The following GALNT9 variants were observed in gnomAD, a reference collection of about 807,000 sequenced individuals.
The protein encoded by GALNT9 is polypeptide N-acetylgalactosaminyltransferase 9, also known as GalNAc transferase 9.
In GALNT9, 47 loss-of-function variants were observed where a neutral mutation model predicts 63.1. The observed-to-expected ratio is 0.75, with a 90% CI of 0.59 to 0.95. The LOEUF is 0.95. Among genes scored for constraint, GALNT9 ranks in the 40% least tolerant of loss-of-function variants. The pLI, the probability that GALNT9 is intolerant of heterozygous loss-of-function variation, is 0.00. For missense variants in GALNT9, 829 were observed against 874.8 expected (o/e 0.95, Z 0.66); for synonymous variants, 396 against 365.7 (o/e 1.08, Z -0.94).
Position 132,236,954 on chromosome 12 carries a change from A to G in GALNT9, c.1077+10956T>C, listed in dbSNP as rs2136895084. Among the ~76,000 whole-genome samples the G allele has an allele frequency of 1.3e-5, 2 of 152,210 alleles. No individual in the cohort carries two copies. Among genetic ancestry groups the G allele is most frequent in the East Asian group, 3.9e-4 (2 of 5,180 alleles). ...TCCCGCAGGCCCCACAGCTGTTCTT[A>G]TCCTCATCCAATCTGGTAACCCTCG... On this transcript the variant is annotated intron_variant, in intron 6 of 10. Coordinates refer to ENST00000328957, the MANE Select transcript of GALNT9 (RefSeq NM_001122636.2). This position sits in a 1 kb window ranked among gnomAD's most constrained non-coding sequence, Gnocchi z 5.6.
chr12:132,230,458 G>A (rs1340462787), intron 6 of GALNT9, among the ~76,000 whole-genome samples: 1 of 152,246 alleles, frequency 6.6e-6, no homozygotes, highest in African/African-American at 2.4e-5. Context: ...CTGCCAGATC[G>A]ACGGGCATAG....
chr12:132,238,303 G>A lies in GALNT9; in HGVS notation c.1077+9607C>T, dbSNP rs1486471749. On this transcript the variant is annotated intron_variant, in intron 6 of 10. Coordinates refer to ENST00000328957, the MANE Select transcript of GALNT9 (RefSeq NM_001122636.2). This position sits in a 1 kb window ranked among gnomAD's most constrained non-coding sequence, Gnocchi z 6.5. ...GGAGACCGAGGACTCCCCTTTGCAG[G>A]TAGCTCTGGGGTCACTGGCGAGGGG... is the stretch of plus-strand genomic sequence containing the variant. 6.6e-6 allele frequency among the ~76,000 whole-genome samples: 1 copy of A among 152,048 alleles called. No homozygotes were observed. The highest frequency in any genetic ancestry group is 1.5e-5 in the Non-Finnish European group (1 of 67,990).
At position 132,238,784 on chromosome 12, in the gene GALNT9, G is replaced by A. The variant is rs1380415299; in HGVS notation, c.1077+9126C>T. Reference sequence around the variant, plus strand: ...CCTCATCTGCAGGCCACCCGCCCAGGGACGTGCTACCATTTACCTAACACA... The same window carrying A: ...CCTCATCTGCAGGCCACCCGCCCAGAGACGTGCTACCATTTACCTAACACA... On this transcript the variant is annotated intron_variant, in intron 6 of 10. Transcript: ENST00000328957. The surrounding 1 kb of genome is among the most constrained non-coding windows in gnomAD (Gnocchi z 6.5). Among the ~76,000 whole-genome samples, 11 of 152,304 alleles carry A rather than the reference G, an allele frequency of 7.2e-5. No homozygotes were observed. Among genetic ancestry groups the A allele is most frequent in the African/African-American group, 2.4e-4 (10 of 41,568 alleles).
intron 7 of GALNT9, among the ~76,000 whole-genome samples, chr12:132,203,230 C>G (rs2135504453): frequency 6.6e-6 from 1 of 152,278 alleles, no homozygotes; most frequent in Non-Finnish European, 1.5e-5. Context: ...GGCTTCTAAC[C>G]ACGGGGCAAT....
chr12:132,326,263 G>A (rs1309115946), intron 1 of GALNT9, among the ~76,000 whole-genome samples: 6 of 152,232 alleles, frequency 3.9e-5, no homozygotes, highest in Non-Finnish European at 8.8e-5. Flanking sequence ...CAAAACCATG[G>A]ATGCTGTCTT....
rs1180069796 is a variant in GALNT9, at chr12:132,279,906, G to A, written c.419+6344C>T. 1 of 151,962 alleles carries A rather than the reference G, an allele frequency of 6.6e-6. No homozygotes were observed. The highest frequency in any genetic ancestry group is 1.5e-5 in the Non-Finnish European group (1 of 68,056). The allele number at this position is 151,962 out of a possible 1,614,324, so 9.4% of individuals were successfully genotyped here. On this transcript the variant is annotated intron_variant, in intron 2 of 10. Transcript: ENST00000328957. This position sits in a 1 kb window ranked among gnomAD's most constrained non-coding sequence, Gnocchi z 4.1. ...CCTGGATTCACTGTGGTCCCTGCCT[G>A]GATGCCCAGTGTCCTCCAGGTCTCC...
intron 1 of GALNT9, among the ~76,000 whole-genome samples, chr12:132,287,405 TC>T (rs1462233343): frequency 3.9e-5 from 6 of 152,036 alleles, no homozygotes; most frequent in Admixed American, 6.5e-5. Context: ...GCCGCCACCA[TC>T]CCCACCAGCC....
intron 6 of GALNT9, among the ~76,000 whole-genome samples, chr12:132,222,495 G>A (rs1482860901): frequency 6.6e-6 from 1 of 152,034 alleles, no homozygotes; most frequent in Non-Finnish European, 1.5e-5. Context: ...AGACCAACAG[G>A]GAAAGCGCTT....
intron 2 of GALNT9, among the ~76,000 whole-genome samples, chr12:132,268,105 T>TCA (rs142014468): frequency 0.12 from 18,120 of 146,004 alleles, 3,010 homozygotes; most frequent in African/African-American, 0.39. Flanking sequence ...ACACGCGCAC[T>TCA]CACACACACA....
chr12:132,284,266 TGCACAC>T (rs1555241957), intron 2 of GALNT9: 3 of 147,904 alleles, frequency 2.0e-5, no homozygotes, highest in African/African-American at 2.5e-5. Flanking sequence ...CACATGCAGG[TGCACAC>T]GCACACACCC....
intron 6 of GALNT9, among the ~76,000 whole-genome samples, chr12:132,217,868 A>C (rs1877282124): frequency 2.1e-5 from 3 of 143,550 alleles, no homozygotes; most frequent in African/African-American, 2.6e-5. Context: ...CTACCTACTC[A>C]CTCACCCACC....
At chr12:132,229,684 G>A (rs2135525527) in intron 6 of GALNT9, among the ~76,000 whole-genome samples, 1 of 152,374 alleles carries the variant, frequency 6.6e-6, no homozygotes, top group Admixed American at 6.5e-5. Context: ...GGCAAGCTTA[G>A]CTGGGAAGCC....
chr12:132,203,256 G>A (rs1462266326), intron 7 of GALNT9, among the ~76,000 whole-genome samples: 1 of 152,186 alleles, frequency 6.6e-6, no homozygotes. Flanking sequence ...TAGGCTGAGA[G>A]GAAAAACGCC....
In GALNT9 at chr12:132,203,557, C is replaced by T. The variant is rs989569578; in HGVS notation, c.1211G>A (p.Trp404Ter). 8 of 1,613,906 alleles carry T rather than the reference C, an allele frequency of 5.0e-6. No homozygotes were observed. The African/African-American group carries it at 1.1e-4, about 22-fold the overall frequency. ...KRNALRAAEV[W>*]MDDFKSHVYM... is the part of the protein sequence containing the mutation. ...CACGTGGGACTTGAAGTCATCCATC[C>T]ACACCTCGGCGGCGCGCAGGGCGTT... The change falls in exon 7 of 11, where the codon TGG becomes TAG. Residue 404 changes from tryptophan to a stop codon, truncating the protein, a stop_gained. Coordinates refer to ENST00000328957, the MANE Select transcript of GALNT9 (RefSeq NM_001122636.2). LOFTEE classifies it high-confidence loss of function.
rs541420562 is a variant in GALNT9 at position 132,305,874 on chromosome 12, G to A, written c.239-19444C>T. ...CTGGCTCCTCACAGCACTGGGTGAT[G>A]GGGACCAGGGAGCCCTGGGTGGGGC... On this transcript the variant is annotated intron_variant, in intron 1 of 10. Coordinates refer to ENST00000328957, the MANE Select transcript of GALNT9 (RefSeq NM_001122636.2). Among the ~76,000 whole-genome samples, 150 of 152,352 alleles carry A rather than the reference G, an allele frequency of 9.8e-4. 1 individual carries two copies. The Middle Eastern group carries it at 0.02, about 21-fold the overall frequency.
At chr12:132,199,679 ACT>A (rs1178639916) in intron 8 of GALNT9, among the ~76,000 whole-genome samples, 1 of 151,692 alleles carries the variant, frequency 6.6e-6, no homozygotes, top group Admixed American at 6.6e-5. Flanking sequence ...TCCAGCTTCC[ACT>A]CTGTCTTGGA....
At chr12:132,324,264 C>A (rs782057488) in intron 1 of GALNT9, among the ~76,000 whole-genome samples, 44 of 152,292 alleles carry the variant, frequency 2.9e-4, no homozygotes, top group Non-Finnish European at 5.4e-4. Flanking sequence ...GTGGGGGCCG[C>A]AGGACATTCC....
chr12:132,271,873 G>A (rs1879879178), intron 2 of GALNT9, among the ~76,000 whole-genome samples: 1 of 152,176 alleles, frequency 6.6e-6, no homozygotes, highest in South Asian at 2.1e-4. Context: ...CTTCAGTGCT[G>A]TGTGTGTTAC....
At chr12:132,264,395 G>C (rs1555240012) in intron 2 of GALNT9, among the ~76,000 whole-genome samples, 1 of 152,258 alleles carries the variant, frequency 6.6e-6, no homozygotes, top group Non-Finnish European at 1.5e-5. Context: ...GCAGGAAGGG[G>C]GCTGGTGGCT....
Sources: gnomAD v4.1 joint callset for allele counts (sites outside exome capture counted in the v4.1 genomes callset) on GRCh38, gnomAD v4.1.1 for gene constraint, Gnocchi (gnomAD v3.1) non-coding constraint, MANE v1.5 for transcripts, NCBI Gene and HGNC (gene_info 2026-07-23, HGNC 2026-07-21) for gene names.